Variants in BOK observed in about 807,000 individuals in gnomAD.
The protein encoded by BOK is BCL2 family apoptosis regulator BOK, also known as bcl-2-related ovarian killer protein.
In BOK, 20 loss-of-function variants were observed where a neutral mutation model predicts 18.3. The ratio of observed to expected loss-of-function variants is 1.09; its 90% confidence interval spans 0.77 to 1.59. BOK has a LOEUF of 1.59. Among genes scored for constraint, BOK ranks in the 40% most tolerant of loss-of-function variants. The pLI is 0.00. For synonymous variants in BOK, 173 were observed against 142.4 expected (o/e 1.21, Z -1.53); for missense variants, 348 against 307.9 (o/e 1.13, Z -0.97).
At chr2:241,569,288 C>T (rs369455567) in intron 3 of BOK, among the ~76,000 whole-genome samples, 61 of 148,536 alleles carry the variant, frequency 4.1e-4, no homozygotes, top group South Asian at 3.5e-3. Context: ...CGTGCCACCA[C>T]GCCTGGCTAA....
intron 3 of BOK, 29 bp from the exon 4 acceptor site, chr2:241,570,096 C>T (rs768873125): frequency 1.2e-6 from 2 of 1,602,864 alleles, no homozygotes; most frequent in Admixed American, 1.7e-5. Flanking sequence ...GGATTCAAGT[C>T]CTGATCTTGA....
intron 4 of BOK, among the ~76,000 whole-genome samples, chr2:241,571,207 C>A (rs578143785): frequency 1.3e-5 from 2 of 150,626 alleles, no homozygotes; most frequent in Non-Finnish European, 3.0e-5. Flanking sequence ...TGCCCCAGCC[C>A]CCGCCCTCCC....
intron 3 of BOK, among the ~76,000 whole-genome samples, chr2:241,567,799 C>A (rs1369070549): frequency 7.5e-6 from 1 of 133,534 alleles, no homozygotes; most frequent in Non-Finnish European, 1.6e-5. Flanking sequence ...TGACGTTAAA[C>A]TCACATGACA....
intron 1 of BOK, 56 bp from the exon 2 acceptor site, chr2:241,559,390 GGCGCCCCGC>G (rs1488143450): frequency 8.3e-6 from 9 of 1,081,248 alleles, no homozygotes; most frequent in Admixed American, 8.7e-5. Context: ...CGCCCAGCCC[GGCGCCCCGC>G]GCGCCCCGTT....
intron 3 of BOK, among the ~76,000 whole-genome samples, chr2:241,569,169 CG>C (rs1689825139): frequency 6.6e-6 from 1 of 152,238 alleles, no homozygotes; most frequent in Non-Finnish European, 1.5e-5. Flanking sequence ...CTCGCTCTGT[CG>C]CCCAGGCTGG....
At chr2:241,560,133 C>A in intron 2 of BOK, 1 of 985,474 alleles carries the variant, frequency 1.0e-6, no homozygotes, top group Non-Finnish European at 1.2e-6. Flanking sequence ...CCTCCGAGGC[C>A]CCCCCATTGG....
intron 3 of BOK, among the ~76,000 whole-genome samples, chr2:241,565,097 G>A (rs545294976): frequency 2.2e-4 from 33 of 152,244 alleles, no homozygotes; most frequent in East Asian, 7.7e-4. Flanking sequence ...GGGCGGCACC[G>A]GCCAGGTGGC....
chr2:241,566,302 CT>C (rs369940899), intron 3 of BOK, among the ~76,000 whole-genome samples: 23 of 140,984 alleles, frequency 1.6e-4, no homozygotes, highest in Non-Finnish European at 2.1e-4. Flanking sequence ...TTTCTTTTTT[CT>C]TTTTTTTTTT....
chr2:241,568,494 T>C lies in BOK; in HGVS notation c.350-1631T>C, dbSNP rs563143877. On this transcript the variant is annotated intron_variant, in intron 3 of 4. Coordinates refer to ENST00000318407, the MANE Select transcript of BOK (RefSeq NM_032515.5). ...GTACAGTGGTGCGATCTGGGCTCAC[T>C]GAAACCTCCACCTCCTGGGTTCAAG... Among the ~76,000 whole-genome samples, 212 of 152,094 alleles carry C rather than the reference T, an allele frequency of 1.4e-3. 1 individual carries two copies. The highest frequency in any genetic ancestry group is 4.9e-3 in the African/African-American group (204 of 41,486).
intron 1 of BOK, among the ~76,000 whole-genome samples, chr2:241,551,738 C>T (rs954413319): frequency 6.6e-6 from 1 of 152,154 alleles, no homozygotes; most frequent in African/African-American, 2.4e-5. Flanking sequence ...GGGGTCCCTC[C>T]GCCCAGGAGG....
In BOK at chr2:241,570,158, C is replaced by T. The variant is rs374419286; in HGVS notation, c.383C>T (p.Ala128Val). Residue 128 changes from alanine (A) to valine (V), a missense_variant, in exon 4 of 5, where the codon GCG (alanine) becomes GTG (valine). Coordinates refer to ENST00000318407, the MANE Select transcript of BOK (RefSeq NM_032515.5). ...ITWGKVVSLY[A>V]VAAGLAVDCV... ...TGGGGCAAGGTGGTGTCCCTGTATG[C>T]GGTGGCCGCGGGGCTGGCCGTGGAC... 4.3e-6 allele frequency: 7 copies of T among 1,611,160 alleles called. No homozygotes were observed. The highest frequency in any genetic ancestry group is 2.2e-5 in the East Asian group (1 of 44,786).
intron 1 of BOK, 82 bp from the exon 2 acceptor site, chr2:241,559,373 A>C (rs997132679): frequency 3.4e-6 from 3 of 881,812 alleles, no homozygotes; most frequent in Non-Finnish European, 4.5e-6. Flanking sequence ...GCCCTTCCCG[A>C]GGGCCACGCC....
Position 241,562,355 on chromosome 2 carries a change from G to A in BOK, c.228G>A (p.Glu76=). ...VCAVLLRLGD[E]LEMIRPSVYR... ...GCTCTTGTGACCACACAGGCGATGA[G>A]CTGGAGATGATCCGGCCCAGCGTCT... is the stretch of plus-strand genomic sequence containing the variant. The change falls in exon 3 of 5, where the codon GAG becomes GAA. Residue 76 remains glutamate, a synonymous_variant. Coordinates refer to ENST00000318407, the MANE Select transcript of BOK (RefSeq NM_032515.5). This position sits in a 1 kb window ranked among gnomAD's most constrained non-coding sequence, Gnocchi z 4.5. 1 of 1,604,582 alleles carries A rather than the reference G, an allele frequency of 6.2e-7. No homozygotes were observed.
chr2:241,571,406 A>G (rs1422326375), intron 4 of BOK, among the ~76,000 whole-genome samples: 1 of 149,142 alleles, frequency 6.7e-6, no homozygotes, highest in Non-Finnish European at 1.5e-5. Context: ...TGGTGTGTAA[A>G]TCAGCGGCCA....
intron 2 of BOK, 126 bp downstream of exon 2, chr2:241,559,829 C>G (rs2066498898): frequency 9.1e-7 from 1 of 1,104,356 alleles, no homozygotes; most frequent in East Asian, 3.3e-5. Context: ...GCCAGGCGCT[C>G]GGGACAGGGC....
In BOK at chr2:241,570,235, G is replaced by A. The variant is rs747179308; in HGVS notation, c.460G>A (p.Gly154Arg). ...GGTCCACGCCCTCGTGGACTGCCTG[G>A]GGGAGTTCGTGCGCAAGACCCTGGC... ...AMVHALVDCL[G>R]EFVRKTLATW... Residue 154 changes from glycine to arginine, a missense_variant, in exon 4 of 5, where the codon GGG becomes AGG. Gly to Arg is a moderately radical substitution (Grantham distance 125). Transcript: ENST00000318407. 8 of 1,596,974 alleles carry A rather than the reference G, an allele frequency of 5.0e-6. No individual in the cohort carries two copies. The Admixed American group carries it at 8.8e-5, about 18-fold the overall frequency.
intron 1 of BOK, among the ~76,000 whole-genome samples, chr2:241,553,125 A>T (rs2379195): frequency 6.7e-6 from 1 of 148,838 alleles, no homozygotes; most frequent in Non-Finnish European, 1.5e-5. Context: ...CCGGCATGGC[A>T]TCCCCAGTGT....
upstream of BOK, among the ~76,000 whole-genome samples, chr2:241,556,754 A>G (rs2066454609): frequency 6.6e-6 from 1 of 152,208 alleles, no homozygotes; most frequent in South Asian, 2.1e-4. Context: ...CATTGACCTC[A>G]TAAAATGAGT....
At position 241,562,902 on chromosome 2, in the gene BOK, C is replaced by T. The variant is rs1046235555; in HGVS notation, c.349+426C>T. On this transcript the variant is annotated intron_variant, in intron 3 of 4. Coordinates refer to ENST00000318407, the MANE Select transcript of BOK (RefSeq NM_032515.5). This position sits in a 1 kb window ranked among gnomAD's most constrained non-coding sequence, Gnocchi z 4.5. ...AGGAGCAGGTTTCCCAGACAGCTCC[C>T]GAGTAGATGCTGCCAGGCTGTTAGG... Among the ~76,000 whole-genome samples the T allele has an allele frequency of 6.6e-6, 1 of 152,132 alleles. No individual in the cohort carries two copies. Among genetic ancestry groups the T allele is most frequent in the Non-Finnish European group, 1.5e-5 (1 of 68,022 alleles).
Sources: allele counts gnomAD v4.1 joint callset (sites outside exome capture counted in the v4.1 genomes callset), GRCh38; gene constraint gnomAD v4.1.1; non-coding constraint Gnocchi (gnomAD v3.1); transcripts MANE v1.5; gene names NCBI Gene and HGNC (gene_info 2026-07-23, HGNC 2026-07-21).